POU5F1: variants seen among roughly 807,000 people sequenced by gnomAD.
POU5F1 encodes the protein POU domain, class 5, transcription factor 1.
A neutral mutation model predicts 38.3 loss-of-function variants in POU5F1; 6 were observed. The ratio of observed to expected loss-of-function variants is 0.16; its 90% CI spans 0.09 to 0.31. The LOEUF (loss-of-function observed/expected upper bound fraction) is 0.31. POU5F1 is among the 10% of genes least tolerant of loss of function. The probability of loss-of-function intolerance (pLI) is 1.00; values close to 1 mark genes in which losing one functional copy is unlikely to be tolerated. For missense variants in POU5F1, 286 were observed against 462.6 expected, an observed-to-expected ratio of 0.62 and a Z score of 3.50; for synonymous variants, 147 against 194.9, an observed-to-expected ratio of 0.75 and a Z score of 2.05.
At position 31,165,024 on chromosome 6, in the gene POU5F1, G is replaced by A. The variant is rs761471650; in HGVS notation, c.816+104C>T. On this transcript the variant is annotated intron_variant, in intron 4 of 4. Coordinates refer to ENST00000259915, the MANE Select transcript of POU5F1 (RefSeq NM_002701.6). The surrounding 1 kb of genome is among the most constrained non-coding windows in gnomAD (Gnocchi z 6.5). The stretch of plus-strand genomic sequence containing the variant: ...ACAGGCCTGACTGCTTGGACATTCT[G>A]TCCAAAGCCAACAGCCCTAGAGCAG... 1.3e-6 allele frequency: 2 copies of A among 1,551,464 alleles called. No homozygotes were observed. The highest frequency in any genetic ancestry group is 1.2e-5 in the South Asian group (1 of 84,782).
chr6:31,165,176 T>C lies in POU5F1; in HGVS notation c.768A>G (p.Thr256=), dbSNP rs951452940. 2 of 1,609,758 alleles carry C rather than the reference T, an allele frequency of 1.2e-6. No individual in the cohort carries two copies. Among genetic ancestry groups the C allele is most frequent in the Non-Finnish European group, 1.7e-6 (2 of 1,178,406 alleles). ...GGGCGATGTGGCTGATCTGCTGCAG[T>C]GTGGGTTTCGGGCACTGCAGGAACA... The part of the protein sequence containing the change: ...ENLFLQCPKP[T]LQQISHIAQQ... Residue 256 remains threonine (T), a synonymous_variant, in exon 4 of 5, where the codon ACA becomes ACG. Transcript: ENST00000259915. This position sits in a 1 kb window ranked among gnomAD's most constrained non-coding sequence, Gnocchi z 6.5.
intron 4 of POU5F1, 129 bp from the exon 5 acceptor site, chr6:31,164,996 G>T (rs1777107232): frequency 6.5e-7 from 1 of 1,547,730 alleles, no homozygotes; most frequent in Admixed American, 2.0e-5. Context: ...AGAATGAGCT[G>T]AGACAGGCCT....
intron 1 of POU5F1, chr6:31,167,237 A>T (rs1288766963): frequency 1.0e-5 from 3 of 300,626 alleles, no homozygotes; most frequent in Admixed American, 1.0e-4. Context: ...TAAATAAAAT[A>T]AAAAATGGCC....
At chr6:31,166,362 G>A in intron 1 of POU5F1, 1 of 1,416,054 alleles carries the variant, frequency 7.1e-7, no homozygotes, top group African/African-American at 1.4e-5. Flanking sequence ...GTCAGGTTAT[G>A]AAGGTTAGAA....
chr6:31,165,215 G>A lies in POU5F1; in HGVS notation c.729C>T (p.Gly243=), dbSNP rs578180451. The stretch of plus-strand genomic sequence containing the variant: ...ACTGCAGGAACAAATTCTCCAGGTT[G>A]CCTCTCACTCGGTTCTCGATACTGG... ...KRTSIENRVR[G]NLENLFLQCP... The change falls in exon 4 of 5, where the codon GGC becomes GGT. Residue 243 remains glycine (G), a synonymous_variant. Coordinates refer to ENST00000259915, the MANE Select transcript of POU5F1 (RefSeq NM_002701.6). The surrounding 1 kb of genome is among the most constrained non-coding windows in gnomAD (Gnocchi z 6.5). The A allele has an allele frequency of 1.8e-5, 29 of 1,610,818 alleles. No individual in the cohort carries two copies. Among genetic ancestry groups the A allele is most frequent in the East Asian group, 4.5e-5 (2 of 44,848 alleles).
chr6:31,169,861 T>G (rs564713579), intron 1 of POU5F1: 2 of 391,264 alleles, frequency 5.1e-6, no homozygotes, highest in South Asian at 4.3e-5. Flanking sequence ...CCAAGCTGGG[T>G]CTGGTGCTGG....
At chr6:31,166,108 T>C (rs1159138802) in intron 1 of POU5F1, 61 bp from the exon 2 acceptor site, 1 of 1,614,112 alleles carries the variant, frequency 6.2e-7, no homozygotes, top group African/African-American at 1.3e-5. Context: ...CAATCTCCCC[T>C]TTCCATTCGG....
chr6:31,170,162 G>T, intron 1 of POU5F1, 54 bp downstream of exon 1: 2 of 1,611,992 alleles, frequency 1.2e-6, no homozygotes, highest in Non-Finnish European at 1.7e-6. Flanking sequence ...TCCCCATCAG[G>T]CTGCCCTGTC....
chr6:31,168,192 C>A (rs1406113898), intron 1 of POU5F1, among the ~76,000 whole-genome samples: 1 of 151,074 alleles, frequency 6.6e-6, no homozygotes, highest in Non-Finnish European at 1.5e-5. Flanking sequence ...CCTTGGCCTC[C>A]CAAAGTGCTG....
intron 1 of POU5F1, chr6:31,169,901 G>T: frequency 1.9e-6 from 1 of 517,982 alleles, no homozygotes; most frequent in Non-Finnish European, 3.5e-6. Flanking sequence ...ACCCTGGGCA[G>T]GCCTAGGAGA....
chr6:31,166,857 C>T, intron 1 of POU5F1: 1 of 1,255,604 alleles, frequency 8.0e-7, no homozygotes, highest in Non-Finnish European at 1.0e-6. Flanking sequence ...GAGGGTCCCA[C>T]AAACTATAAC....
chr6:31,169,957 G>C, intron 1 of POU5F1: 1 of 602,916 alleles, frequency 1.7e-6, no homozygotes, highest in East Asian at 2.8e-5. Context: ...AGGCCAGCCT[G>C]GGCCAGCTTC....
rs745803283 is a variant in POU5F1, at chr6:31,165,736, G to A, written c.527-35C>T. ...GCCAGTCAAAAGAGAAGCAAAGTGA[G>A]GGAGCACGCAGGGCCCTTGTGACCC... On this transcript the variant is annotated intron_variant, in intron 2 of 4. Coordinates refer to ENST00000259915, the MANE Select transcript of POU5F1 (RefSeq NM_002701.6). The surrounding 1 kb of genome is among the most constrained non-coding windows in gnomAD (Gnocchi z 6.5). 3.8e-6 allele frequency: 6 copies of A among 1,589,622 alleles called. No individual in the cohort carries two copies. In the African/African-American group the frequency reaches 8.0e-5, roughly 21 times the overall value.
At position 31,165,494 on chromosome 6, in the gene POU5F1, C is replaced by G; in HGVS notation, c.657+77G>C. The G allele has an allele frequency of 6.2e-7, 1 of 1,607,524 alleles. No homozygotes were observed. Among genetic ancestry groups the G allele is most frequent in the Non-Finnish European group, 8.5e-7 (1 of 1,177,454 alleles). ...GAACCACTGCACCAAAGACGGAGAG[C>G]TACGAGCCAGTGATGGAAGCAATGG... On this transcript the variant is annotated intron_variant, in intron 3 of 4. Coordinates refer to ENST00000259915, the MANE Select transcript of POU5F1 (RefSeq NM_002701.6). This position sits in a 1 kb window ranked among gnomAD's most constrained non-coding sequence, Gnocchi z 6.5.
At chr6:31,168,128 T>C (rs1177446860) in intron 1 of POU5F1, among the ~76,000 whole-genome samples, 3 of 152,042 alleles carry the variant, frequency 2.0e-5, no homozygotes, top group Non-Finnish European at 2.9e-5. Flanking sequence ...TTAGTAGATA[T>C]GGGGTTTCAC....
chr6:31,168,895 A>T (rs2036149431), intron 1 of POU5F1, among the ~76,000 whole-genome samples: 1 of 152,202 alleles, frequency 6.6e-6, no homozygotes, highest in African/African-American at 2.4e-5. Context: ...CGGCAGACAG[A>T]GGTGCACAGC....
Position 31,165,382 on chromosome 6 carries a change from G to T in POU5F1, c.658-96C>A. ...TGACTAGATGTGTCAGCAGAGCCAG[G>T]TGGTGGTGTGAAAAGGCAGGATCCT... is the stretch of plus-strand genomic sequence containing the variant. On this transcript the variant is annotated intron_variant, in intron 3 of 4. Transcript: ENST00000259915. This position sits in a 1 kb window ranked among gnomAD's most constrained non-coding sequence, Gnocchi z 6.5. 3 of 1,565,488 alleles carry T rather than the reference G, an allele frequency of 1.9e-6. No individual in the cohort carries two copies. The highest frequency in any genetic ancestry group is 2.6e-6 in the Non-Finnish European group (3 of 1,152,896).
chr6:31,167,000 G>T, intron 1 of POU5F1: 1 of 757,468 alleles, frequency 1.3e-6, no homozygotes, highest in Non-Finnish European at 2.1e-6. Flanking sequence ...CACTATAGAG[G>T]CATCCTAATT....
intron 1 of POU5F1, chr6:31,166,863 A>T (rs1172171053): frequency 7.8e-7 from 1 of 1,275,506 alleles, no homozygotes. Context: ...CCCACAAACT[A>T]TAACATGGCA....
Sources: allele counts gnomAD v4.1 joint callset (sites outside exome capture counted in the v4.1 genomes callset), GRCh38; gene constraint gnomAD v4.1.1; non-coding constraint Gnocchi (gnomAD v3.1); transcripts MANE v1.5; gene names NCBI Gene and HGNC (gene_info 2026-07-23, HGNC 2026-07-21).